MAP3K12: variants seen among roughly 807,000 people sequenced by gnomAD.
MAP3K12 encodes mitogen-activated protein kinase kinase kinase 12, also known as MAPK-upstream kinase.
A neutral mutation model predicts 87.5 loss-of-function variants in MAP3K12; 14 were observed. The observed-to-expected ratio is 0.16, with a 90% CI of 0.11 to 0.25. MAP3K12 has a LOEUF of 0.25. Among genes scored for constraint, MAP3K12 ranks in the 10% least tolerant of loss-of-function variants. The pLI is 1.00. For missense variants in MAP3K12, 802 were observed against 1,140.4 expected, an observed-to-expected ratio of 0.70 and a Z score of 4.27; for synonymous variants, 469 against 452.5, an observed-to-expected ratio of 1.04 and a Z score of -0.46.
At chr12:53,490,464 G>A (rs545319702) in intron 1 of MAP3K12, among the ~76,000 whole-genome samples, 4 of 152,146 alleles carry the variant, frequency 2.6e-5, no homozygotes, top group East Asian at 1.9e-4. Flanking sequence ...AAAATTAGCC[G>A]GCCAGGCACA....
chr12:53,483,967 C>T lies in MAP3K12; in HGVS notation c.1302G>A (p.Gly434=), dbSNP rs1409334081. The T allele has an allele frequency of 6.2e-7, 1 of 1,614,072 alleles. No individual in the cohort carries two copies. The highest frequency in any genetic ancestry group is 1.3e-5 in the African/African-American group (1 of 74,916). Reference sequence around the variant, plus strand: ...CCTCTTCTAGGCGGTGCAGACAGGTCCCTTCTGACTTAATCTTTTCAAAGT... The same window carrying T: ...CCTCTTCTAGGCGGTGCAGACAGGTTCCTTCTGACTTAATCTTTTCAAAGT... The part of the protein sequence containing the change: ...KLHFEKIKSE[G]TCLHRLEEEL... The change falls in exon 8 of 14, where the codon GGG becomes GGA. Residue 434 remains glycine, a synonymous_variant. Coordinates refer to ENST00000547488, the MANE Select transcript of MAP3K12 (RefSeq NM_001193511.2).
intron 1 of MAP3K12, among the ~76,000 whole-genome samples, chr12:53,488,767 G>A (rs1943316634): frequency 6.6e-6 from 1 of 152,086 alleles, no homozygotes; most frequent in African/African-American, 2.4e-5. Flanking sequence ...TGAGGCAGGT[G>A]GATCACTTGA....
rs745878540 is a variant in MAP3K12, at chr12:53,481,238, A to G, written c.2623T>C (p.Leu875=). The G allele has an allele frequency of 1.5e-5, 23 of 1,568,068 alleles. No individual in the cohort carries two copies. The highest frequency in any genetic ancestry group is 1.5e-4 in the East Asian group (6 of 40,950). Residue 875 remains leucine, a synonymous_variant, in exon 14 of 14, where the codon TTG becomes CTG. Transcript: ENST00000547488. ...GCATCAACGCTGTTGGAGTTGTCCA[A>G]TTCAGTGCTGTCACAGTCTGAGTCC... ...SEDSDCDSTE[L]DNSNSVDALR...
chr12:53,485,884 A>G, intron 4 of MAP3K12, 172 bp downstream of exon 4: 2 of 626,014 alleles, frequency 3.2e-6, no homozygotes, highest in Non-Finnish European at 5.5e-6. Context: ...CATTTGGGAC[A>G]CTCAAAGGTG....
chr12:53,488,587 G>A (rs1943306851), intron 1 of MAP3K12, among the ~76,000 whole-genome samples: 1 of 151,576 alleles, frequency 6.6e-6, no homozygotes. Context: ...CTTAAACCCG[G>A]GAGGCTGAGG....
At position 53,486,410 on chromosome 12, in the gene MAP3K12, C is replaced by T; in HGVS notation, c.629+29G>A. The T allele has an allele frequency of 6.2e-7, 1 of 1,611,004 alleles. No individual in the cohort carries two copies. Among genetic ancestry groups the T allele is most frequent in the Non-Finnish European group, 8.5e-7 (1 of 1,178,142 alleles). ...GTACCAGGCCTTAGCATAGTATCCC[C>T]AACACCCAGCCCCTGCCCTGGACCT... is the stretch of plus-strand genomic sequence containing the variant. On this transcript the variant is annotated intron_variant, in intron 3 of 13. Transcript: ENST00000547488. This position sits in a 1 kb window ranked among gnomAD's most constrained non-coding sequence, Gnocchi z 4.9.
rs534270601 is a variant in MAP3K12, at chr12:53,495,694, G to GT, written c.-38+3732dup. The stretch of plus-strand genomic sequence containing the variant: ...TGTGAACCACTGTGCCCTGCAGCTT[G>GT]TTTTTATTTTCCATTTTTCAGGATC... On this transcript the variant is annotated intron_variant, in intron 1 of 13. Coordinates refer to ENST00000547488, the MANE Select transcript of MAP3K12 (RefSeq NM_001193511.2). Among the ~76,000 whole-genome samples the GT allele has an allele frequency of 2.0e-4, 31 of 152,180 alleles. No individual in the cohort carries two copies. In the East Asian group the frequency reaches 6.0e-3, roughly 29 times the overall value.
chr12:53,484,162 A>G (rs936731623), intron 7 of MAP3K12, 95 bp downstream of exon 7: 13 of 1,360,030 alleles, frequency 9.6e-6, no homozygotes, highest in African/African-American at 4.3e-5. Flanking sequence ...CAATCTCTTC[A>G]GTCCCACTCA....
chr12:53,482,821 C>G lies in MAP3K12; in HGVS notation c.1982G>C (p.Gly661Ala), dbSNP rs761292037. 5 of 1,610,894 alleles carry G rather than the reference C, an allele frequency of 3.1e-6. No individual in the cohort carries two copies. The South Asian group carries it at 4.4e-5, about 14-fold the overall frequency. Reference sequence around the variant, plus strand: ...AGGTGGTGAGCCAGGATCCCCAGCTCCGCCTGTGGCCCCCCGGCCCCGGGA... The same window carrying G: ...AGGTGGTGAGCCAGGATCCCCAGCTGCGCCTGTGGCCCCCCGGCCCCGGGA... ...LGSRGRGATG[G>A]AGDPGSPPPA... Residue 661 changes from glycine (G) to alanine (A), a missense_variant, in exon 11 of 14, where the codon GGA becomes GCA. By Grantham distance (60) the Gly-to-Ala change is moderately conservative. This residue lies in a region of MAP3K12 where 490 missense variants were observed against 496.6 expected (regional missense o/e 0.99). Coordinates refer to ENST00000547488, the MANE Select transcript of MAP3K12 (RefSeq NM_001193511.2).
At chr12:53,483,835 T>TG (rs1943150548) in intron 8 of MAP3K12, 76 bp downstream of exon 8, 2 of 1,608,392 alleles carry the variant, frequency 1.2e-6, no homozygotes, top group Non-Finnish European at 1.7e-6. Context: ...CCACCCGCCC[T>TG]GGGGCTGGGT....
Position 53,486,033 on chromosome 12 carries a change from T to G in MAP3K12, c.821+23A>C. On this transcript the variant is annotated intron_variant, in intron 4 of 13. Transcript: ENST00000547488. This position sits in a 1 kb window ranked among gnomAD's most constrained non-coding sequence, Gnocchi z 4.9. ...AGTGGGTCACCTGCATGCACATCTG[T>G]TGCTCCCTGCTTGCTTACTCACTTG... The G allele has an allele frequency of 6.3e-7, 1 of 1,582,224 alleles. No individual in the cohort carries two copies. Among genetic ancestry groups the G allele is most frequent in the Non-Finnish European group, 8.6e-7 (1 of 1,162,234 alleles).
upstream of MAP3K12, chr12:53,500,078 A>T (rs1943650510): frequency 6.6e-6 from 1 of 151,294 alleles, no homozygotes; most frequent in Non-Finnish European, 1.5e-5. Flanking sequence ...TTCCTGGATG[A>T]CCCCTCATTA....
At position 53,485,483 on chromosome 12, in the gene MAP3K12, A is replaced by G. The variant is rs1306662282; in HGVS notation, c.822-8T>C. 1.2e-5 allele frequency: 20 copies of G among 1,612,932 alleles called. No individual in the cohort carries two copies. Among genetic ancestry groups the G allele is most frequent in the Non-Finnish European group, 1.7e-5 (20 of 1,179,324 alleles). On this transcript the variant is annotated splice_region_variant and splice_polypyrimidine_tract_variant and intron_variant, in intron 4 of 13. Coordinates refer to ENST00000547488, the MANE Select transcript of MAP3K12 (RefSeq NM_001193511.2). ...TCGTAGGTGATTAGCATGCTGGTAA[A>G]GAGTGTAGTCAGCTGGGGTCCACAC...
upstream of MAP3K12, chr12:53,501,211 G>C (rs1943684387): frequency 1.3e-5 from 8 of 609,730 alleles, no homozygotes; most frequent in Non-Finnish European, 2.3e-5. Flanking sequence ...CGCACGCAGA[G>C]GGTTGTGGGG....
intron 6 of MAP3K12, chr12:53,484,818 C>A (rs1943182519): frequency 1.8e-6 from 1 of 568,704 alleles, no homozygotes; most frequent in Non-Finnish European, 3.1e-6. Flanking sequence ...ACTGGCACTT[C>A]ATGACAAATC....
chr12:53,485,240 G>C (rs1169461648), intron 5 of MAP3K12, 26 bp from the exon 6 acceptor site: 2 of 1,602,748 alleles, frequency 1.2e-6, no homozygotes, highest in Non-Finnish European at 1.7e-6. Flanking sequence ...CATCACTTGT[G>C]CTCAAGCCCT....
intron 1 of MAP3K12, among the ~76,000 whole-genome samples, chr12:53,495,563 A>T (rs1057404150): frequency 2.0e-5 from 3 of 150,470 alleles, no homozygotes; most frequent in African/African-American, 7.3e-5. Context: ...AAAAAAAAAA[A>T]AAAAATTGTA....
At chr12:53,491,804 T>C (rs1388635965) in intron 1 of MAP3K12, among the ~76,000 whole-genome samples, 1 of 142,388 alleles carries the variant, frequency 7.0e-6, no homozygotes, top group African/African-American at 2.5e-5. Context: ...CTGGGCGCAG[T>C]GGCTCACGCC....
rs1943245290 is a variant in MAP3K12 at position 53,487,040 on chromosome 12, T to G, written c.352A>C (p.Ser118Arg). The G allele has an allele frequency of 6.2e-7, 1 of 1,614,020 alleles. No individual in the cohort carries two copies. Among genetic ancestry groups the G allele is most frequent in the Non-Finnish European group, 8.5e-7 (1 of 1,180,034 alleles). ...DEVRLQCQSG[S>R]GFLEGLFGCL... ...CCAAAGAGGCCCTCAAGGAAGCCAC[T>G]GCCACTCTGGCACTGCAGTCGCACC... Residue 118 changes from serine to arginine, a missense_variant, in exon 2 of 14, where the codon AGT becomes CGT. By Grantham distance (110) the Ser-to-Arg change is moderately radical. This residue lies in a region of MAP3K12 where 135 missense variants were observed against 151.6 expected (regional missense o/e 0.89). Transcript: ENST00000547488.
Sources: gnomAD v4.1 joint callset for allele counts (sites outside exome capture counted in the v4.1 genomes callset) on GRCh38, gnomAD v4.1.1 for gene constraint, gnomAD v4.1.1 regional missense constraint, Gnocchi (gnomAD v3.1) non-coding constraint, MANE v1.5 for transcripts, NCBI Gene and HGNC (gene_info 2026-07-23, HGNC 2026-07-21) for gene names.